The following LRRC4C variants were observed in gnomAD, a reference collection of about 807,000 sequenced individuals.
LRRC4C encodes leucine rich repeat containing 4C.
In LRRC4C, 5 loss-of-function variants were observed where a neutral mutation model predicts 33.6. That is an observed-to-expected ratio of 0.15 (90% CI 0.08 to 0.31). The LOEUF is 0.31. Ranked by LOEUF, LRRC4C falls within the 10% of genes least tolerant of loss-of-function variation. The pLI, the probability that LRRC4C is intolerant of heterozygous loss-of-function variation, is 1.00. For missense variants in LRRC4C, 560 were observed against 796.7 expected (o/e 0.70, Z 3.58); for synonymous variants, 329 against 302.0 (o/e 1.09, Z -0.93).
intron 2 of LRRC4C, among the ~76,000 whole-genome samples, chr11:40,767,235 A>G (rs957768473): frequency 6.6e-6 from 1 of 152,152 alleles, no homozygotes; most frequent in Non-Finnish European, 1.5e-5. Flanking sequence ...AAAGGAGGTA[A>G]TTATGTAATA....
At chr11:40,253,368 A>G (rs1402603614) in intron 4 of LRRC4C, among the ~76,000 whole-genome samples, 1 of 152,176 alleles carries the variant, frequency 6.6e-6, no homozygotes, top group Non-Finnish European at 1.5e-5. Flanking sequence ...GCCAACTGCT[A>G]AGCAAAGAAG....
chr11:41,350,073 G>A (rs865819635), intron 1 of LRRC4C, among the ~76,000 whole-genome samples: 2 of 152,032 alleles, frequency 1.3e-5, no homozygotes, highest in African/African-American at 4.8e-5. Flanking sequence ...AAACTCCACC[G>A]TACACTTGTG....
intron 3 of LRRC4C, among the ~76,000 whole-genome samples, chr11:40,455,148 AC>A (rs1320977785): frequency 1.3e-5 from 2 of 152,138 alleles, no homozygotes; most frequent in Non-Finnish European, 2.9e-5. Flanking sequence ...GAAAAATCAC[AC>A]CCCAAAATAT....
intron 1 of LRRC4C, among the ~76,000 whole-genome samples, chr11:41,376,011 ATATTT>A (rs905715620): frequency 3.3e-5 from 5 of 151,986 alleles, no homozygotes; most frequent in African/African-American, 9.7e-5. Context: ...ATATAAATTG[ATATTT>A]TATATTAATA....
intron 4 of LRRC4C, among the ~76,000 whole-genome samples, chr11:40,276,744 C>G (rs1005655568): frequency 2.1e-5 from 3 of 144,208 alleles, no homozygotes; most frequent in Admixed American, 7.0e-5. Flanking sequence ...TGCAAGCAAG[C>G]CTTTGTGTCC....
intron 4 of LRRC4C, among the ~76,000 whole-genome samples, chr11:40,281,300 T>C (rs1590898907): frequency 1.3e-5 from 2 of 152,126 alleles, no homozygotes; most frequent in Non-Finnish European, 2.9e-5. Context: ...CTCCCCATAA[T>C]GTGTTTGAAT....
intron 3 of LRRC4C, among the ~76,000 whole-genome samples, chr11:40,645,911 T>G (rs1942423070): frequency 6.6e-6 from 1 of 152,184 alleles, no homozygotes; most frequent in Non-Finnish European, 1.5e-5. Flanking sequence ...GACTCCTGTA[T>G]TCCTTTTCTT....
intron 1 of LRRC4C, among the ~76,000 whole-genome samples, chr11:41,344,856 T>A (rs1304057422): frequency 6.6e-6 from 1 of 152,222 alleles, no homozygotes; most frequent in Non-Finnish European, 1.5e-5. Flanking sequence ...TTAAATTGTA[T>A]GTTTGGAAAC....
At chr11:41,171,945 T>C (rs570571899) in intron 1 of LRRC4C, among the ~76,000 whole-genome samples, 3 of 152,116 alleles carry the variant, frequency 2.0e-5, no homozygotes, top group Non-Finnish European at 2.9e-5. Context: ...ATTATGTACG[T>C]TTCTGATAAA....
chr11:40,958,214 T>C (rs1959047091), intron 1 of LRRC4C, among the ~76,000 whole-genome samples: 1 of 151,758 alleles, frequency 6.6e-6, no homozygotes, highest in Admixed American at 6.6e-5. Flanking sequence ...CAGCTTGTGG[T>C]ATTTTGTTAC....
chr11:40,447,243 T>C (rs1484039084), intron 3 of LRRC4C: 1 of 153,418 alleles, frequency 6.5e-6, no homozygotes, highest in Non-Finnish European at 1.5e-5. Flanking sequence ...ATGTGTTGGA[T>C]AAAGCCATAG....
At chr11:40,950,220 T>G (rs1380200814) in intron 1 of LRRC4C, among the ~76,000 whole-genome samples, 1 of 151,610 alleles carries the variant, frequency 6.6e-6, no homozygotes, top group Non-Finnish European at 1.5e-5. Flanking sequence ...ACTTCTATAA[T>G]CAGAAGATCA....
At chr11:40,577,837 T>TC (rs1281015861) in intron 3 of LRRC4C, among the ~76,000 whole-genome samples, 4 of 72,008 alleles carry the variant, frequency 5.6e-5, no homozygotes, top group Middle Eastern at 9.8e-3. Context: ...TTTTTCTTTT[T>TC]TTTTTTTTTT....
chr11:41,391,641 G>A lies in LRRC4C; in HGVS notation c.-496+67790C>T, dbSNP rs1487355783. Among the ~76,000 whole-genome samples the A allele has an allele frequency of 2.0e-5, 3 of 151,800 alleles. No homozygotes were observed. The East Asian group carries it at 5.8e-4, about 29-fold the overall frequency. On this transcript the variant is annotated intron_variant, in intron 1 of 6. Coordinates refer to ENST00000528697, the MANE Select transcript of LRRC4C (RefSeq NM_001258419.2). ...TCTCACTTATTTCCACATTTGATAA[G>A]TATTTATTGATGACCCCCTAAAACC... is the stretch of plus-strand genomic sequence containing the variant.
At chr11:40,157,156 G>T (rs865912808) in intron 5 of LRRC4C, among the ~76,000 whole-genome samples, 1 of 152,140 alleles carries the variant, frequency 6.6e-6, no homozygotes, top group Non-Finnish European at 1.5e-5. Flanking sequence ...AACATAAAGT[G>T]TGGAAAGGAC....
At position 41,336,642 on chromosome 11, in the gene LRRC4C, T is replaced by C. The variant is rs146755035; in HGVS notation, c.-496+122789A>G. 2.1e-3 allele frequency among the ~76,000 whole-genome samples: 316 copies of C among 152,292 alleles called. 1 individual carries two copies. Among genetic ancestry groups the C allele is most frequent in the African/African-American group, 7.1e-3 (297 of 41,566 alleles). On this transcript the variant is annotated intron_variant, in intron 1 of 6. Transcript: ENST00000528697. The stretch of plus-strand genomic sequence containing the variant: ...TCAGAAGACTGAACAAAGAGGCTTT[T>C]AATAGTGAAGGAAATGTGAAAGTCC...
chr11:40,909,253 A>T (rs1956560951), intron 2 of LRRC4C, among the ~76,000 whole-genome samples: 1 of 152,112 alleles, frequency 6.6e-6, no homozygotes, highest in Admixed American at 6.5e-5. Flanking sequence ...TCTATTCTTT[A>T]AAAACTTTCC....
intron 3 of LRRC4C, among the ~76,000 whole-genome samples, chr11:40,627,005 A>C (rs1310805259): frequency 6.7e-6 from 1 of 148,600 alleles, no homozygotes; most frequent in Non-Finnish European, 1.5e-5. Flanking sequence ...TAGAGTTCTT[A>C]TTCTTAATCA....
chr11:41,116,180 G>A (rs964827205), intron 1 of LRRC4C, among the ~76,000 whole-genome samples: 1 of 152,056 alleles, frequency 6.6e-6, no homozygotes, highest in African/African-American at 2.4e-5. Flanking sequence ...GAGCATTTAA[G>A]ACTACAAGCT....
Sources: allele counts gnomAD v4.1 joint callset (sites outside exome capture counted in the v4.1 genomes callset), GRCh38; gene constraint gnomAD v4.1.1; transcripts MANE v1.5; gene names NCBI Gene and HGNC (gene_info 2026-07-23, HGNC 2026-07-21).